Variants in GABRR1 observed in about 807,000 individuals in gnomAD.
GABRR1 encodes gamma-aminobutyric acid type A receptor subunit rho1, also known as gamma-aminobutyric acid receptor subunit rho-1.
GABRR1 carries 59 observed loss-of-function variants against 55.5 expected under a neutral mutation model. The ratio of observed to expected loss-of-function variants is 1.06; its 90% CI spans 0.86 to 1.32. The LOEUF (loss-of-function observed/expected upper bound fraction) is 1.32. GABRR1 is among the 40% of genes most tolerant of loss of function. The probability of loss-of-function intolerance (pLI) is 0.00; values close to 1 mark genes in which losing one functional copy is unlikely to be tolerated. For synonymous variants in GABRR1, 213 were observed against 226.0 expected, an observed-to-expected ratio of 0.94 and a Z score of 0.51; for missense variants, 602 against 619.1, an observed-to-expected ratio of 0.97 and a Z score of 0.29.
chr6:89,210,348 C>T (rs1772796358), intron 1 of GABRR1, among the ~76,000 whole-genome samples: 1 of 151,922 alleles, frequency 6.6e-6, no homozygotes, highest in Non-Finnish European at 1.5e-5. Context: ...TGTGTGCCAC[C>T]ACACCTGGCT....
At position 89,190,201 on chromosome 6, in the gene GABRR1, A is replaced by G. The variant is rs759288803; in HGVS notation, c.619T>C (p.Leu207=). The G allele has an allele frequency of 4.3e-6, 7 of 1,611,780 alleles. No homozygotes were observed. The highest frequency in any genetic ancestry group is 3.4e-5 in the Admixed American group (2 of 59,672). Reference sequence around the variant, plus strand: ...TCAAGAGAGCACGTTTGTGTGTCCAAGGGAAATCGGCTGAAGTCCATGTTG... The same window carrying G: ...TCAAGAGAGCACGTTTGTGTGTCCAGGGGAAATCGGCTGAAGTCCATGTTG... ...MCNMDFSRFP[L]DTQTCSLEIE... Residue 207 remains leucine (L), a synonymous_variant, in exon 6 of 10, where the codon TTG becomes CTG. Coordinates refer to ENST00000454853, the MANE Select transcript of GABRR1 (RefSeq NM_002042.5).
intron 7 of GABRR1, 92 bp from the exon 8 acceptor site, chr6:89,182,149 C>T (rs1771749746): frequency 3.3e-6 from 4 of 1,196,980 alleles, no homozygotes; most frequent in African/African-American, 1.5e-5. Context: ...TTAGACACTC[C>T]AATGGACTCT....
At chr6:89,201,314 A>G (rs1772465221) in intron 2 of GABRR1, 49 bp from the exon 3 acceptor site, 3 of 1,249,594 alleles carry the variant, frequency 2.4e-6, no homozygotes, top group African/African-American at 2.9e-5. Context: ...AACCAAGACA[A>G]ATAAACAGTA....
chr6:89,201,620 A>T (rs1314704091), intron 2 of GABRR1, among the ~76,000 whole-genome samples: 1 of 152,152 alleles, frequency 6.6e-6, no homozygotes, highest in Non-Finnish European at 1.5e-5. Context: ...TCTACAAAAA[A>T]TACAAAAACT....
At chr6:89,179,941 G>C (rs1431326052) in intron 9 of GABRR1, among the ~76,000 whole-genome samples, 1 of 152,114 alleles carries the variant, frequency 6.6e-6, no homozygotes, top group Non-Finnish European at 1.5e-5. Context: ...ACACCCTTAT[G>C]TTCATAAATA....
At chr6:89,206,824 C>T (rs1004505055) in intron 1 of GABRR1, among the ~76,000 whole-genome samples, 1 of 151,930 alleles carries the variant, frequency 6.6e-6, no homozygotes, top group Non-Finnish European at 1.5e-5. Flanking sequence ...CACTATGTTG[C>T]CCAAGCTGGT....
intron 5 of GABRR1, among the ~76,000 whole-genome samples, chr6:89,195,037 T>C (rs945438759): frequency 3.3e-5 from 5 of 152,000 alleles, no homozygotes; most frequent in Admixed American, 6.6e-5. Context: ...TATAGGAAGG[T>C]CTGAGGACAC....
chr6:89,181,007 T>C (rs1369345549), intron 8 of GABRR1, among the ~76,000 whole-genome samples: 1 of 152,242 alleles, frequency 6.6e-6, no homozygotes, highest in Non-Finnish European at 1.5e-5. Context: ...CCATTCAGCA[T>C]TGTCCACTTG....
chr6:89,211,712 T>C (rs1161755642), intron 1 of GABRR1, among the ~76,000 whole-genome samples: 1 of 152,174 alleles, frequency 6.6e-6, no homozygotes, highest in South Asian at 2.1e-4. Context: ...AAGAGCTCAT[T>C]GCCCAGTGTA....
chr6:89,191,125 A>G (rs1000472963), intron 5 of GABRR1, among the ~76,000 whole-genome samples: 1 of 152,268 alleles, frequency 6.6e-6, no homozygotes, highest in African/African-American at 2.4e-5. Flanking sequence ...TTCAAGGAAA[A>G]GAACATTCTT....
intron 4 of GABRR1, 35 bp downstream of exon 4, chr6:89,199,327 C>T (rs2127799219): frequency 1.3e-6 from 2 of 1,599,846 alleles, no homozygotes; most frequent in Non-Finnish European, 1.7e-6. Context: ...CTTTGTGAAT[C>T]CCCCTGCCAC....
At chr6:89,189,042 C>CTGTGTG (rs71913424) in intron 6 of GABRR1, among the ~76,000 whole-genome samples, 5,535 of 147,504 alleles carry the variant, frequency 0.038, 152 homozygotes, top group African/African-American at 0.083. Context: ...GAACTCATGT[C>CTGTGTG]TGTGTGTGTG....
In GABRR1 at chr6:89,230,637, C is replaced by T. The variant is rs995501179; in HGVS notation, c.-411+579G>A. Among the ~76,000 whole-genome samples, 5 of 151,666 alleles carry T rather than the reference C, an allele frequency of 3.3e-5. 1 individual carries two copies. The highest frequency in any genetic ancestry group is 1.9e-4 in the East Asian group (1 of 5,162). The stretch of plus-strand genomic sequence containing the variant: ...CTGCCGGTTCTCAGATCTCCAGCTG[C>T]GTGCTGGGAGAACCACTGCTCTCTT... On this transcript the variant is annotated intron_variant, in intron 1 of 11. Transcript: ENST00000369451.
intron 7 of GABRR1, among the ~76,000 whole-genome samples, chr6:89,184,512 A>T (rs1014648091): frequency 4.6e-5 from 7 of 152,164 alleles, no homozygotes; most frequent in African/African-American, 1.7e-4. Context: ...TTGCACTGAC[A>T]CTTAGAAGAG....
upstream of GABRR1, among the ~76,000 whole-genome samples, chr6:89,221,651 T>C (rs961363087): frequency 7.9e-5 from 12 of 152,178 alleles, no homozygotes; most frequent in South Asian, 2.3e-3. Flanking sequence ...CTTGGGGTCC[T>C]GGAACCAATC....
At chr6:89,183,650 T>G (rs1456004003) in intron 7 of GABRR1, among the ~76,000 whole-genome samples, 2 of 151,102 alleles carry the variant, frequency 1.3e-5, no homozygotes, top group Non-Finnish European at 2.9e-5. Flanking sequence ...GAATATGGTA[T>G]ATATACACCA....
upstream of GABRR1, among the ~76,000 whole-genome samples, chr6:89,218,753 C>G (rs1340140946): frequency 6.6e-6 from 1 of 152,184 alleles, no homozygotes; most frequent in Non-Finnish European, 1.5e-5. Context: ...GCTGTACTTA[C>G]GGAACCAATG....
Position 89,201,229 on chromosome 6 carries a change from C to T in GABRR1, c.210G>A (p.Ser70=), listed in dbSNP as rs371490411. ...ILRRSPDITK[S]PLTKSEQLLR... is the part of the protein sequence containing the mutation. Reference sequence around the variant, plus strand: ...GAAGCTGTTCTGACTTTGTCAGAGGCGATTTGGTGATGTCAGGACTTCGTC... The same window carrying T: ...GAAGCTGTTCTGACTTTGTCAGAGGTGATTTGGTGATGTCAGGACTTCGTC... Residue 70 remains serine, a synonymous_variant, in exon 3 of 10, where the codon TCG becomes TCA. Transcript: ENST00000454853. 1.3e-5 allele frequency: 21 copies of T among 1,613,922 alleles called. No individual in the cohort carries two copies. Among genetic ancestry groups the T allele is most frequent in the East Asian group, 6.7e-5 (3 of 44,890 alleles).
upstream of GABRR1, among the ~76,000 whole-genome samples, chr6:89,221,652 G>A (rs974012195): frequency 3.9e-5 from 6 of 152,102 alleles, no homozygotes; most frequent in Non-Finnish European, 7.3e-5. Flanking sequence ...TTGGGGTCCT[G>A]GAACCAATCC....
Sources: gnomAD v4.1 joint callset for allele counts (sites outside exome capture counted in the v4.1 genomes callset) on GRCh38, gnomAD v4.1.1 for gene constraint, MANE v1.5 for transcripts, NCBI Gene and HGNC (gene_info 2026-07-23, HGNC 2026-07-21) for gene names.